Variants in NCAPG2 observed in about 807,000 individuals in gnomAD.
The protein encoded by NCAPG2 is condensin-2 complex subunit G2.
Under a neutral mutation model 141.1 loss-of-function variants are expected in NCAPG2, and 53 were observed. The observed-to-expected ratio is 0.38, with a 90% CI of 0.30 to 0.47. The LOEUF is 0.47. Among genes scored for constraint, NCAPG2 ranks in the 20% least tolerant of loss-of-function variants. The pLI, the probability that NCAPG2 is intolerant of heterozygous loss-of-function variation, is 0.99. For synonymous variants in NCAPG2, 499 were observed against 490.7 expected (o/e 1.02, Z -0.22); for missense variants, 1,087 against 1,389.0 (o/e 0.78, Z 3.46).
At chr7:158,671,380 A>G (rs762704409) in intron 13 of NCAPG2, 134 bp downstream of exon 13, 253 of 1,147,524 alleles carry the variant, frequency 2.2e-4, no homozygotes, top group Middle Eastern at 1.2e-3. Context: ...ACAAAATAAC[A>G]TTTTTGACAG....
intron 12 of NCAPG2, among the ~76,000 whole-genome samples, chr7:158,675,260 C>A (rs1008328325): frequency 1.3e-5 from 2 of 152,154 alleles, no homozygotes; most frequent in African/African-American, 4.8e-5. Flanking sequence ...ACCCCTTCCC[C>A]CCTTACACTA....
rs567883295 is a variant in NCAPG2, at chr7:158,680,607, T to C, written c.1020+114A>G. ...ATTTGTTCAAAAATTTCAGAAAGCA[T>C]TCAGTCTTCAGCCTTATCTTTACTA... On this transcript the variant is annotated intron_variant, in intron 10 of 27. Transcript: ENST00000356309. 6 of 582,840 alleles carry C rather than the reference T, an allele frequency of 1.0e-5. No homozygotes were observed. In the African/African-American group the frequency reaches 1.2e-4, roughly 11 times the overall value. 36.1% of individuals were successfully genotyped at this position (582,840 alleles called of 1,614,324 possible). A position where few individuals can be genotyped will look rare whatever the true frequency, so the allele number is the denominator to read the frequency against.
chr7:158,667,016 G>A, intron 13 of NCAPG2: 1 of 567,944 alleles, frequency 1.8e-6, no homozygotes, highest in Non-Finnish European at 2.2e-6. Context: ...CCTGCCCATA[G>A]ACAATGCCCT....
At position 158,666,550 on chromosome 7, in the gene NCAPG2, A is replaced by G. The variant is rs546710609; in HGVS notation, c.1480-1800T>C. 2.5e-3 allele frequency among the ~76,000 whole-genome samples: 376 copies of G among 151,300 alleles called. 2 individuals are homozygous for G. The highest frequency in any genetic ancestry group is 2.7e-3 in the Non-Finnish European group (186 of 67,900). On this transcript the variant is annotated intron_variant, in intron 13 of 27. Transcript: ENST00000356309. ...TTAAGTACAAGATCATAGCACTTTT[A>G]TCTAGTCTGCCACGCTGCCTTTCAT...
intron 2 of NCAPG2, among the ~76,000 whole-genome samples, chr7:158,698,962 A>G (rs1835625612): frequency 6.6e-6 from 1 of 151,834 alleles, no homozygotes; most frequent in Admixed American, 6.6e-5. Context: ...ATTTTTTAAC[A>G]TTACTGTAGA....
Position 158,631,523 on chromosome 7 carries a change from C to T in NCAPG2, c.*143G>A. The T allele has an allele frequency of 2.5e-6, 2 of 809,388 alleles. No individual in the cohort carries two copies. The highest frequency in any genetic ancestry group is 2.1e-6 in the Non-Finnish European group (1 of 478,290). 50.1% of individuals were successfully genotyped at this position (809,388 alleles called of 1,614,324 possible). ...TTTTGAGTTATCTCCTCCATAACCC[C>T]CACCTTCCCACATTCCCACAAAAAA... On this transcript the variant is annotated 3_prime_UTR_variant, in exon 28 of 28. Coordinates refer to ENST00000356309, the MANE Select transcript of NCAPG2 (RefSeq NM_017760.7).
intron 8 of NCAPG2, among the ~76,000 whole-genome samples, chr7:158,684,585 G>A (rs751225942): frequency 1.3e-5 from 2 of 152,250 alleles, no homozygotes; most frequent in African/African-American, 2.4e-5. Flanking sequence ...AAAGTAGTAT[G>A]TAGAAATGAA....
At chr7:158,691,795 C>T (rs1466608213) in intron 4 of NCAPG2, among the ~76,000 whole-genome samples, 1 of 152,180 alleles carries the variant, frequency 6.6e-6, no homozygotes, top group Non-Finnish European at 1.5e-5. Flanking sequence ...CCTCAGATCA[C>T]GTTCACAACA....
At chr7:158,683,681 A>G (rs985986157) in intron 8 of NCAPG2, among the ~76,000 whole-genome samples, 1 of 152,254 alleles carries the variant, frequency 6.6e-6, no homozygotes, top group South Asian at 2.1e-4. Context: ...AGTTCAAATC[A>G]GACAAATTTC....
chr7:158,656,127 A>G, intron 19 of NCAPG2, 133 bp downstream of exon 19: 1 of 1,176,152 alleles, frequency 8.5e-7, no homozygotes, highest in Non-Finnish European at 1.2e-6. Context: ...CAACTGAATG[A>G]GGTGACATGA....
At chr7:158,631,950 C>G (rs969450367) in intron 27 of NCAPG2, among the ~76,000 whole-genome samples, 2 of 152,176 alleles carry the variant, frequency 1.3e-5, no homozygotes, top group Non-Finnish European at 1.5e-5. Context: ...ACCGTGGACA[C>G]CAAGCACTGC....
At chr7:158,631,885 G>C in intron 27 of NCAPG2, among the ~76,000 whole-genome samples, 168 bp from the exon 28 acceptor site, 1 of 152,164 alleles carries the variant, frequency 6.6e-6, no homozygotes. Flanking sequence ...GTAAAATGGA[G>C]TCAGAATCCC....
intron 27 of NCAPG2, among the ~76,000 whole-genome samples, 158 bp downstream of exon 27, chr7:158,644,131 C>G (rs535688299): frequency 3.2e-4 from 49 of 152,324 alleles, no homozygotes; most frequent in African/African-American, 1.2e-3. Flanking sequence ...TAAACGTAAG[C>G]TAAAGGTCTT....
intron 7 of NCAPG2, among the ~76,000 whole-genome samples, chr7:158,687,121 C>A (rs1834807358): frequency 6.6e-6 from 1 of 152,192 alleles, no homozygotes; most frequent in Non-Finnish European, 1.5e-5. Context: ...ACTATTTTAA[C>A]TATTTAAAGA....
At chr7:158,662,899 A>C (rs1316242972) in intron 15 of NCAPG2, among the ~76,000 whole-genome samples, 1 of 152,180 alleles carries the variant, frequency 6.6e-6, no homozygotes, top group Admixed American at 6.5e-5. Context: ...GGCTGGAATA[A>C]TGACTATGAT....
intron 17 of NCAPG2, 128 bp downstream of exon 17, chr7:158,658,210 G>A (rs565602250): frequency 8.5e-6 from 6 of 706,046 alleles, no homozygotes; most frequent in African/African-American, 3.7e-5. Context: ...GGAGAGGGAA[G>A]GGCAGAAGGA....
chr7:158,687,200 A>T (rs1011482979), intron 7 of NCAPG2, 148 bp downstream of exon 7: 2 of 475,646 alleles, frequency 4.2e-6, no homozygotes, highest in African/African-American at 4.0e-5. Flanking sequence ...ATAAAAGGAA[A>T]AAGCTACCCA....
At chr7:158,640,042 GAATA>G (rs1219220252) in intron 27 of NCAPG2, 1 of 41,014 alleles carries the variant, frequency 2.4e-5, no homozygotes, top group Non-Finnish European at 4.4e-5. Flanking sequence ...ATACTGAATA[GAATA>G]AATGCCAAAA....
chr7:158,653,131 G>C (rs969926913), intron 22 of NCAPG2, among the ~76,000 whole-genome samples: 1 of 152,090 alleles, frequency 6.6e-6, no homozygotes, highest in Non-Finnish European at 1.5e-5. Context: ...CACCTTGAAA[G>C]GCCAAGGTGG....
Sources: gnomAD v4.1 joint callset for allele counts (sites outside exome capture counted in the v4.1 genomes callset) on GRCh38, gnomAD v4.1.1 for gene constraint, MANE v1.5 for transcripts, NCBI Gene and HGNC (gene_info 2026-07-23, HGNC 2026-07-21) for gene names.